Variants in NINJ2 observed in about 807,000 individuals in gnomAD.
NINJ2 encodes the protein ninjurin 2.
A neutral mutation model predicts 11.7 loss-of-function variants in NINJ2; 12 were observed. The observed-to-expected ratio is 1.02, with a 90% CI of 0.66 to 1.66. NINJ2 has a LOEUF of 1.66. NINJ2 is among the 40% of genes most tolerant of loss of function. The pLI is 0.00. For missense variants in NINJ2, 187 were observed against 181.8 expected, an observed-to-expected ratio of 1.03 and a Z score of -0.16; for synonymous variants, 93 against 76.8, an observed-to-expected ratio of 1.21 and a Z score of -1.10.
At chr12:598,648 T>G (rs1375594752) in intron 1 of NINJ2, among the ~76,000 whole-genome samples, 1 of 152,214 alleles carries the variant, frequency 6.6e-6, no homozygotes, top group African/African-American at 2.4e-5. Context: ...CTTTGGCCGA[T>G]AGAATTAAGG....
chr12:653,295 A>G (rs1014886991), intron 1 of NINJ2, among the ~76,000 whole-genome samples: 1 of 152,138 alleles, frequency 6.6e-6, no homozygotes, highest in African/African-American at 2.4e-5. Flanking sequence ...CTGGGATTAC[A>G]GGCGTGAGCC....
chr12:617,423 C>T (rs1334868786), intron 1 of NINJ2, among the ~76,000 whole-genome samples: 4 of 152,198 alleles, frequency 2.6e-5, no homozygotes, highest in African/African-American at 7.2e-5. Context: ...CCTGCATATC[C>T]GTGGCCCAAG....
At chr12:567,596 C>G (rs140314185) in intron 1 of NINJ2, among the ~76,000 whole-genome samples, 125 of 152,264 alleles carry the variant, frequency 8.2e-4, no homozygotes, top group Non-Finnish European at 1.7e-3. Flanking sequence ...GCAGCCCCAG[C>G]AAGTCACTTC....
chr12:649,303 T>C (rs1023738457), intron 1 of NINJ2, among the ~76,000 whole-genome samples: 1 of 151,970 alleles, frequency 6.6e-6, no homozygotes, highest in Admixed American at 6.6e-5. Context: ...CACCTTGGCC[T>C]CCCAAAGTGT....
chr12:617,331 G>C (rs1363493028), intron 1 of NINJ2, among the ~76,000 whole-genome samples: 1 of 152,204 alleles, frequency 6.6e-6, no homozygotes, highest in African/African-American at 2.4e-5. Context: ...AGAGCCCACA[G>C]CAGTCAGAGC....
intron 1 of NINJ2, among the ~76,000 whole-genome samples, chr12:613,888 G>A (rs1394544406): frequency 2.0e-5 from 3 of 152,116 alleles, no homozygotes; most frequent in Non-Finnish European, 2.9e-5. Flanking sequence ...CCGGGTGACA[G>A]AGTGAGACTT....
At chr12:626,943 G>C (rs1303488237) in intron 1 of NINJ2, among the ~76,000 whole-genome samples, 2 of 152,036 alleles carry the variant, frequency 1.3e-5, no homozygotes, top group African/African-American at 2.4e-5. Flanking sequence ...AGAGTACGCA[G>C]GTGTGGTAAG....
intron 1 of NINJ2, among the ~76,000 whole-genome samples, chr12:624,467 C>T (rs764492515): frequency 1.3e-5 from 2 of 152,048 alleles, no homozygotes; most frequent in Non-Finnish European, 1.5e-5. Flanking sequence ...AGGAGCTTGC[C>T]GTCTAGTAGA....
At chr12:587,719 C>A (rs535550676) in intron 1 of NINJ2, among the ~76,000 whole-genome samples, 148 of 152,288 alleles carry the variant, frequency 9.7e-4, no homozygotes, top group African/African-American at 3.5e-3. Context: ...AGGGACCCTG[C>A]GCCTCACAGG....
At chr12:607,315 G>A (rs985635686) in intron 1 of NINJ2, among the ~76,000 whole-genome samples, 1 of 151,594 alleles carries the variant, frequency 6.6e-6, no homozygotes, top group Non-Finnish European at 1.5e-5. Context: ...GGGATAATAG[G>A]TAAAATATTT....
rs905115373 is a variant in NINJ2, at chr12:614,835, G to A, written c.33+48493C>T. On this transcript the variant is annotated intron_variant, in intron 1 of 3. Transcript: ENST00000305108. This position sits in a 1 kb window ranked among gnomAD's most constrained non-coding sequence, Gnocchi z 5.1. ...GGGCAAGACCATGTCTTCACACGTC[G>A]GGCAGCGTGCATTGTCAGCGCTCTA... is the stretch of plus-strand genomic sequence containing the variant. 1.3e-5 allele frequency among the ~76,000 whole-genome samples: 2 copies of A among 152,218 alleles called. No homozygotes were observed. The highest frequency in any genetic ancestry group is 4.2e-4 in the South Asian group (2 of 4,814).
At chr12:663,148 T>C (rs1283406963) in intron 1 of NINJ2, among the ~76,000 whole-genome samples, 180 bp downstream of exon 1, 1 of 152,104 alleles carries the variant, frequency 6.6e-6, no homozygotes, top group African/African-American at 2.4e-5. Context: ...AAGAACCAGA[T>C]AGGGAAACAG....
intron 2 of NINJ2, 166 bp downstream of exon 2, chr12:565,784 G>C (rs1243509009): frequency 1.4e-6 from 1 of 709,270 alleles, no homozygotes; most frequent in East Asian, 2.7e-5. Flanking sequence ...CCCTCGCGGG[G>C]TGGAAGTTGG....
rs547280207 is a variant in NINJ2, at chr12:614,172, C to T, written c.34-47994G>A. Among the ~76,000 whole-genome samples, 20 of 152,262 alleles carry T rather than the reference C, an allele frequency of 1.3e-4. 1 individual carries two copies. In the South Asian group the frequency reaches 3.7e-3, roughly 28 times the overall value. The stretch of plus-strand genomic sequence containing the variant: ...GCCTCCTAAAGAAGACCATCCTTAG[C>T]GATGGTTGCTGCCTTGACTTTCCAG... On this transcript the variant is annotated intron_variant, in intron 1 of 3. Transcript: ENST00000305108. The surrounding 1 kb of genome is among the most constrained non-coding windows in gnomAD (Gnocchi z 5.1).
rs147347712 is a variant in NINJ2 at position 638,706 on chromosome 12, C to T, written c.33+24622G>A. Among the ~76,000 whole-genome samples the T allele has an allele frequency of 4.1e-3, 630 of 152,310 alleles. 27 individuals carry two copies. The East Asian group carries it at 0.1, about 25-fold the overall frequency. ...CTGGGATTACAGGCGTGAGCCACCG[C>T]GCCCGGCCGACACTTAGTTTTAAAT... On this transcript the variant is annotated intron_variant, in intron 1 of 3. Transcript: ENST00000305108.
intron 1 of NINJ2, 81 bp downstream of exon 1, chr12:663,247 G>C: frequency 2.3e-6 from 3 of 1,289,032 alleles, no homozygotes; most frequent in Non-Finnish European, 3.3e-6. Context: ...AATATCAAGT[G>C]ACTAAAGTAT....
At chr12:570,248 G>A (rs879561481) in intron 1 of NINJ2, among the ~76,000 whole-genome samples, 4 of 152,238 alleles carry the variant, frequency 2.6e-5, no homozygotes, top group African/African-American at 4.8e-5. Context: ...CCTGGCGAAG[G>A]TGCCTGGAAA....
At chr12:575,993 C>A (rs753750514) in intron 1 of NINJ2, among the ~76,000 whole-genome samples, 90 of 152,354 alleles carry the variant, frequency 5.9e-4, no homozygotes, top group Non-Finnish European at 9.0e-4. Flanking sequence ...CTGAGGCCTT[C>A]TGTCTGGGGC....
chr12:577,187 A>T (rs986359957), intron 1 of NINJ2, among the ~76,000 whole-genome samples: 2 of 151,942 alleles, frequency 1.3e-5, no homozygotes, highest in Non-Finnish European at 2.9e-5. Flanking sequence ...TTATTCAATA[A>T]ATTACACAAG....
Sources: allele counts gnomAD v4.1 joint callset (sites outside exome capture counted in the v4.1 genomes callset), GRCh38; gene constraint gnomAD v4.1.1; non-coding constraint Gnocchi (gnomAD v3.1); transcripts MANE v1.5; gene names NCBI Gene and HGNC (gene_info 2026-07-23, HGNC 2026-07-21).